EXD2: variants seen among roughly 807,000 people sequenced by gnomAD.
EXD2 encodes exonuclease 3'-5' domain containing 2.
Under a neutral mutation model 62.5 loss-of-function variants are expected in EXD2, and 40 were observed. The observed-to-expected ratio is 0.64, with a 90% CI of 0.50 to 0.83. The LOEUF is 0.83. Among genes scored for constraint, EXD2 ranks in the 40% least tolerant of loss-of-function variants. EXD2 has a pLI of 0.00. For synonymous variants in EXD2, 239 were observed against 291.9 expected, an observed-to-expected ratio of 0.82 and a Z score of 1.85; for missense variants, 671 against 761.8, an observed-to-expected ratio of 0.88 and a Z score of 1.40.
chr14:69,208,210 A>ATTT (rs11446992), intron 2 of EXD2, among the ~76,000 whole-genome samples: 32 of 112,530 alleles, frequency 2.8e-4, no homozygotes, highest in African/African-American at 8.3e-4. Flanking sequence ...GCCACTTACT[A>ATTT]TTTTTTTTTT....
At chr14:69,227,613 C>T (rs371369477) in intron 3 of EXD2, among the ~76,000 whole-genome samples, 3 of 152,058 alleles carry the variant, frequency 2.0e-5, no homozygotes, top group Admixed American at 6.6e-5. Context: ...TCTGGAAGGC[C>T]GAGGCAGAAG....
At chr14:69,219,318 T>C (rs947844929) in intron 3 of EXD2, among the ~76,000 whole-genome samples, 3 of 152,246 alleles carry the variant, frequency 2.0e-5, no homozygotes, top group Admixed American at 1.3e-4. Context: ...TTGTCTGTTA[T>C]TGGTGTATAA....
intron 3 of EXD2, among the ~76,000 whole-genome samples, chr14:69,211,053 A>G (rs1284955678): frequency 2.0e-5 from 3 of 152,162 alleles, no homozygotes; most frequent in Non-Finnish European, 2.9e-5. Context: ...AAATAAGACA[A>G]CAAAGAAGTT....
At chr14:69,211,391 A>G (rs1012070760) in intron 3 of EXD2, among the ~76,000 whole-genome samples, 8 of 151,048 alleles carry the variant, frequency 5.3e-5, no homozygotes, top group Non-Finnish European at 1.0e-4. Context: ...CCCTAATGCT[A>G]TTTCTCTTGC....
chr14:69,214,496 T>C (rs1255299094), intron 3 of EXD2, among the ~76,000 whole-genome samples: 1 of 152,180 alleles, frequency 6.6e-6, no homozygotes, highest in Non-Finnish European at 1.5e-5. Flanking sequence ...CCCTGAGTCT[T>C]TTTTTAGACT....
intron 1 of EXD2, among the ~76,000 whole-genome samples, chr14:69,201,042 C>T (rs2042380100): frequency 6.6e-6 from 1 of 151,042 alleles, no homozygotes; most frequent in East Asian, 2.0e-4. Flanking sequence ...CCATTGCACT[C>T]CAGCCGGAGT....
intron 9 of EXD2, among the ~76,000 whole-genome samples, chr14:69,240,335 T>C (rs566409464): frequency 5.9e-5 from 9 of 152,310 alleles, no homozygotes; most frequent in African/African-American, 2.2e-4. Context: ...TGAGCAACCA[T>C]GGAAGCATTT....
At chr14:69,213,084 CTTT>C (rs71102636) in intron 3 of EXD2, among the ~76,000 whole-genome samples, 3 of 126,600 alleles carry the variant, frequency 2.4e-5, no homozygotes, top group African/African-American at 2.9e-5. Context: ...TTCTTCTTTT[CTTT>C]TTTTTTTTTT....
At chr14:69,235,172 A>G (rs980251886) in intron 6 of EXD2, 141 bp downstream of exon 6, 3 of 680,252 alleles carry the variant, frequency 4.4e-6, no homozygotes, top group Non-Finnish European at 4.7e-6. Flanking sequence ...TTTTCTTTCC[A>G]TCAGAGACAT....
chr14:69,235,583 C>T (rs2043753162), intron 6 of EXD2: 2 of 253,838 alleles, frequency 7.9e-6, no homozygotes, highest in South Asian at 9.2e-5. Context: ...AATTTGGTCC[C>T]TGTAGCAAAG....
intron 1 of EXD2, among the ~76,000 whole-genome samples, chr14:69,200,350 G>C (rs2042353097): frequency 6.6e-6 from 1 of 152,256 alleles, no homozygotes; most frequent in Non-Finnish European, 1.5e-5. Context: ...AATGGGTGAT[G>C]GTGATGGTTG....
At chr14:69,193,041 T>A (rs2042085230) in intron 1 of EXD2, among the ~76,000 whole-genome samples, 1 of 150,002 alleles carries the variant, frequency 6.7e-6, no homozygotes, top group African/African-American at 2.4e-5. Context: ...TGGATAATAA[T>A]TTCCTCCATT....
In EXD2 at chr14:69,239,515, ATATAC is replaced by A. The variant is rs540684805; in HGVS notation, c.1650-1364_1650-1360del. 1.8e-4 allele frequency among the ~76,000 whole-genome samples: 28 copies of A among 152,350 alleles called. 1 individual carries two copies. In the South Asian group the frequency reaches 5.4e-3, roughly 29 times the overall value. Reference sequence around the variant, plus strand: ...ATATTTATTGAACAGTTATTTATAGATATACTATATCTTGCAGCAAACCAGCTAAT... The same window carrying A: ...ATATTTATTGAACAGTTATTTATAGATATATCTTGCAGCAAACCAGCTAAT... On this transcript the variant is annotated intron_variant, in intron 9 of 9. Coordinates refer to ENST00000685843, the MANE Select transcript of EXD2 (RefSeq NM_001193360.2).
chr14:69,219,407 A>C (rs1268278841), intron 3 of EXD2, among the ~76,000 whole-genome samples: 2 of 152,170 alleles, frequency 1.3e-5, no homozygotes, highest in Non-Finnish European at 2.9e-5. Flanking sequence ...ATGAACACTT[A>C]GGTTGATTCT....
chr14:69,206,420 C>G (rs1195883036), intron 2 of EXD2, among the ~76,000 whole-genome samples: 1 of 139,984 alleles, frequency 7.1e-6, no homozygotes, highest in African/African-American at 2.8e-5. Flanking sequence ...GGCATGAGTT[C>G]TGGTCTCTGC....
chr14:69,232,429 T>G (rs116282662), intron 5 of EXD2, among the ~76,000 whole-genome samples: 1 of 152,248 alleles, frequency 6.6e-6, no homozygotes, highest in African/African-American at 2.4e-5. Context: ...TCAACCTTGC[T>G]TGCCAAGTCA....
In EXD2 at chr14:69,228,844, T is replaced by C; in HGVS notation, c.362T>C (p.Leu121Pro). 6.2e-7 allele frequency: 1 copy of C among 1,614,026 alleles called. No individual in the cohort carries two copies. The highest frequency in any genetic ancestry group is 2.2e-5 in the East Asian group (1 of 44,874). Residue 121 changes from leucine (L) to proline (P), a missense_variant, in exon 4 of 10, where the codon CTG becomes CCG. Transcript: ENST00000685843. ...WVNLEGKASP[L>P]SLLQMASPSG... is the part of the protein sequence containing the mutation. ...AATTTGGAAGGCAAAGCCAGCCCTC[T>C]GTCACTTCTACAAATGGCCTCCCCA...
Position 69,241,716 on chromosome 14 carries a change from A to G in EXD2, c.*616A>G, listed in dbSNP as rs2043987818. On this transcript the variant is annotated 3_prime_UTR_variant, in exon 10 of 10. Coordinates refer to ENST00000685843, the MANE Select transcript of EXD2 (RefSeq NM_001193360.2). ...TTCCTTTACACTTCCAGGACCAAAC[A>G]GCAACTTCCTGCCACACACTTCCAC... 2.5e-6 allele frequency: 1 copy of G among 397,578 alleles called. No homozygotes were observed. The allele number at this position is 397,578 out of a possible 1,614,324, so 24.6% of individuals were successfully genotyped here.
rs886697174 is a variant in EXD2, at chr14:69,242,724, G to A, written c.*1624G>A. 1 of 152,202 alleles carries A rather than the reference G, an allele frequency of 6.6e-6. No individual in the cohort carries two copies. 9.4% of individuals were successfully genotyped at this position (152,202 alleles called of 1,614,324 possible). ...CGGAGCCCAGGAGTGGAGGAGAGCC[G>A]TGGAAATAGACAGGGAGAGGCTGGT... is the stretch of plus-strand genomic sequence containing the variant. On this transcript the variant is annotated 3_prime_UTR_variant, in exon 10 of 10. Transcript: ENST00000685843.
Sources: allele counts gnomAD v4.1 joint callset (sites outside exome capture counted in the v4.1 genomes callset), GRCh38; gene constraint gnomAD v4.1.1; transcripts MANE v1.5; gene names NCBI Gene and HGNC (gene_info 2026-07-23, HGNC 2026-07-21).